The following HOXC9 variants were observed in gnomAD, a reference collection of about 807,000 sequenced individuals.
HOXC9 encodes homeobox protein Hox-C9.
Under a neutral mutation model 20.0 loss-of-function variants are expected in HOXC9, and 10 were observed. The observed-to-expected ratio is 0.50, with a 90% CI of 0.31 to 0.85. The LOEUF (loss-of-function observed/expected upper bound fraction) is 0.85. Ranked by LOEUF, HOXC9 falls within the 40% of genes least tolerant of loss-of-function variation. The probability of loss-of-function intolerance (pLI) is 0.05; values close to 1 mark genes in which losing one functional copy is unlikely to be tolerated. For missense variants in HOXC9, 394 were observed against 376.7 expected (o/e 1.05, Z -0.38); for synonymous variants, 200 against 163.7 (o/e 1.22, Z -1.69).
Position 54,000,687 on chromosome 12 carries a change from G to C in HOXC9, c.499G>C (p.Gly167Arg), listed in dbSNP as rs965071826. The change falls in exon 1 of 2, where the codon GGC (glycine) becomes CGC (arginine). Residue 167 changes from glycine (G) to arginine (R), a missense_variant. By Grantham distance (125) the Gly-to-Arg change is moderately radical (BLOSUM62 -2). Transcript: ENST00000303450. ...LPSPEADALA[G>R]SKHKEEKADL... is the part of the protein sequence containing the mutation. The stretch of plus-strand genomic sequence containing the variant: ...CTCGCCCGAGGCGGACGCGCTCGCC[G>C]GCAGCAAGCACAAAGAGGAGAAGGC... 1 of 1,568,246 alleles carries C rather than the reference G, an allele frequency of 6.4e-7. No homozygotes were observed. Among genetic ancestry groups the C allele is most frequent in the Non-Finnish European group, 8.6e-7 (1 of 1,163,672 alleles).
rs1939694208 is a variant in HOXC9 at position 54,000,194 on chromosome 12, G to C, written c.6G>C (p.Ser2=). 2 of 1,613,888 alleles carry C rather than the reference G, an allele frequency of 1.2e-6. No individual in the cohort carries two copies. Among genetic ancestry groups the C allele is most frequent in the African/African-American group, 2.7e-5 (2 of 75,032 alleles). ...GTATGTAAAACCCCGTTACGATGTC[G>C]GCGACGGGGCCCATCAGTAACTATT... M[S]ATGPISNYYV... Residue 2 remains serine (S), a synonymous_variant, in exon 1 of 2, where the codon TCG becomes TCC. Transcript: ENST00000303450.
At position 54,000,695 on chromosome 12, in the gene HOXC9, G is replaced by C. The variant is rs976480614; in HGVS notation, c.507G>C (p.Lys169Asn). ...SPEADALAGS[K>N]HKEEKADLDP... ...AGGCGGACGCGCTCGCCGGCAGCAA[G>C]CACAAAGAGGAGAAGGCCGACCTGG... The change falls in exon 1 of 2, where the codon AAG (lysine) becomes AAC (asparagine). Residue 169 changes from lysine to asparagine, a missense_variant. Lys to Asn is a moderately conservative substitution (Grantham distance 94). Transcript: ENST00000303450. 1 of 1,567,544 alleles carries C rather than the reference G, an allele frequency of 6.4e-7. No homozygotes were observed. The highest frequency in any genetic ancestry group is 8.6e-7 in the Non-Finnish European group (1 of 1,163,624).
Position 54,002,915 on chromosome 12 carries a change from G to A in HOXC9, c.*241G>A, listed in dbSNP as rs1379945263. The A allele has an allele frequency of 1.8e-5, 7 of 378,778 alleles. No individual in the cohort carries two copies. Among genetic ancestry groups the A allele is most frequent in the Non-Finnish European group, 3.3e-5 (7 of 213,840 alleles). 23.5% of individuals were successfully genotyped at this position (378,778 alleles called of 1,614,324 possible). ...ACCCAGCGAGGAGGAGGCGGGGAGA[G>A]AAACTGCGTTCTCTTTCCCCAGCGC... On this transcript the variant is annotated 3_prime_UTR_variant, in exon 2 of 2. Coordinates refer to ENST00000303450, the MANE Select transcript of HOXC9 (RefSeq NM_006897.3).
Position 54,002,573 on chromosome 12 carries a change from G to T in HOXC9, c.682G>T (p.Val228Phe), listed in dbSNP as rs753907350. 1.2e-6 allele frequency: 2 copies of T among 1,614,200 alleles called. No individual in the cohort carries two copies. Among genetic ancestry groups the T allele is most frequent in the East Asian group, 2.2e-5 (1 of 44,886 alleles). Residue 228 changes from valine (V) to phenylalanine (F), a missense_variant, in exon 2 of 2, where the codon GTT becomes TTT. Val to Phe is a conservative substitution (Grantham distance 50). Transcript: ENST00000303450. ...TRDRRYEVAR[V>F]LNLTERQVKI... ...GGACCGTCGGTATGAGGTGGCCCGG[G>T]TTCTCAATCTCACCGAGCGGCAGGT...
chr12:54,000,847 G>A, intron 1 of HOXC9, 121 bp downstream of exon 1: 3 of 912,124 alleles, frequency 3.3e-6, no homozygotes, highest in Non-Finnish European at 4.6e-6. Context: ...GCGAGGGGGC[G>A]AGGACTCAAT....
At chr12:54,001,305 G>A (rs1309900520) in intron 1 of HOXC9, among the ~76,000 whole-genome samples, 1 of 152,040 alleles carries the variant, frequency 6.6e-6, no homozygotes, top group Non-Finnish European at 1.5e-5. Flanking sequence ...AAAGAGAAGT[G>A]GGGATAAAAG....
In HOXC9 at chr12:54,002,580, A is replaced by G. The variant is rs779320438; in HGVS notation, c.689A>G (p.Asn230Ser). 11 of 1,614,038 alleles carry G rather than the reference A, an allele frequency of 6.8e-6. No individual in the cohort carries two copies. The highest frequency in any genetic ancestry group is 2.2e-5 in the East Asian group (1 of 44,890). Residue 230 changes from asparagine (N) to serine (S), a missense_variant, in exon 2 of 2, where the codon AAT (asparagine) becomes AGT (serine). Transcript: ENST00000303450. ...DRRYEVARVL[N>S]LTERQVKIWF... ...CGGTATGAGGTGGCCCGGGTTCTCAATCTCACCGAGCGGCAGGTCAAAATC... is the reference window on the plus strand; with the variant it reads ...CGGTATGAGGTGGCCCGGGTTCTCAGTCTCACCGAGCGGCAGGTCAAAATC...
At position 54,002,849 on chromosome 12, in the gene HOXC9, A is replaced by G. The variant is rs1565726269; in HGVS notation, c.*175A>G. On this transcript the variant is annotated 3_prime_UTR_variant, in exon 2 of 2. Transcript: ENST00000303450. ...GAAAAGAAAACTCTTGCGATTTGGGAGGGTTCAGTGTTGAGATATTGGTGT... is the reference window on the plus strand; with the variant it reads ...GAAAAGAAAACTCTTGCGATTTGGGGGGGTTCAGTGTTGAGATATTGGTGT... 3 of 714,712 alleles carry G rather than the reference A, an allele frequency of 4.2e-6. No homozygotes were observed. Among genetic ancestry groups the G allele is most frequent in the Non-Finnish European group, 6.6e-6 (3 of 455,220 alleles). The allele number at this position is 714,712 out of a possible 1,614,324, so 44.3% of individuals were successfully genotyped here.
At position 54,000,671 on chromosome 12, in the gene HOXC9, G is replaced by A. The variant is rs767141349; in HGVS notation, c.483G>A (p.Glu161=). 4 of 1,564,060 alleles carry A rather than the reference G, an allele frequency of 2.6e-6. No individual in the cohort carries two copies. Among genetic ancestry groups the A allele is most frequent in the Non-Finnish European group, 2.6e-6 (3 of 1,160,762 alleles). ...DRAPQTLPSP[E]ADALAGSKHK... ...CCCCGCAGACACTGCCCTCGCCCGA[G>A]GCGGACGCGCTCGCCGGCAGCAAGC... The change falls in exon 1 of 2, where the codon GAG becomes GAA. Residue 161 remains glutamate, a synonymous_variant. Transcript: ENST00000303450.
intron 1 of HOXC9, among the ~76,000 whole-genome samples, chr12:54,001,676 A>G (rs1208110202): frequency 2.0e-5 from 3 of 152,084 alleles, no homozygotes; most frequent in African/African-American, 4.8e-5. Context: ...ATAAGGGGCC[A>G]GGGCCTAATT....
chr12:54,002,659 CAAG>C lies in HOXC9; in HGVS notation c.769_771del (p.Lys257del), dbSNP rs754876281. On this transcript the variant is annotated inframe_deletion, in exon 2 of 2. Coordinates refer to ENST00000303450, the MANE Select transcript of HOXC9 (RefSeq NM_006897.3). ...AAAAGATGAATAAAGAGAAAACCGA[CAAG>C]GAGCAGTCCTAAACCCTACCCAGCC... 9.9e-6 allele frequency: 16 copies of C among 1,613,976 alleles called. No individual in the cohort carries two copies. The highest frequency in any genetic ancestry group is 1.4e-5 in the Non-Finnish European group (16 of 1,179,940).
chr12:54,000,337 T>C lies in HOXC9; in HGVS notation c.149T>C (p.Phe50Ser). The C allele has an allele frequency of 6.2e-7, 1 of 1,614,046 alleles. No individual in the cohort carries two copies. The highest frequency in any genetic ancestry group is 8.5e-7 in the Non-Finnish European group (1 of 1,180,020). ...GGTTTGGTGCCGGACTGTAGCGATT[T>C]TCCGTCCTGTAGCTTCGCGCCCAAG... ...PSGLVPDCSDFPSCSFAPKPA... is the reference protein window; with the variant it reads ...PSGLVPDCSDSPSCSFAPKPA... The change falls in exon 1 of 2, where the codon TTT (phenylalanine) becomes TCT (serine). Residue 50 changes from phenylalanine (F) to serine (S), a missense_variant. Coordinates refer to ENST00000303450, the MANE Select transcript of HOXC9 (RefSeq NM_006897.3).
At chr12:54,001,692 C>A (rs757786388) in intron 1 of HOXC9, among the ~76,000 whole-genome samples, 1 of 152,102 alleles carries the variant, frequency 6.6e-6, no homozygotes, top group Non-Finnish European at 1.5e-5. Flanking sequence ...TAATTATACT[C>A]CTCTGAAGGC....
At position 54,000,679 on chromosome 12, in the gene HOXC9, C is replaced by G. The variant is rs924288509; in HGVS notation, c.491C>G (p.Ala164Gly). ...ACACTGCCCTCGCCCGAGGCGGACG[C>G]GCTCGCCGGCAGCAAGCACAAAGAG... Reference protein sequence around the residue: ...PQTLPSPEADALAGSKHKEEK... With the variant: ...PQTLPSPEADGLAGSKHKEEK... The change falls in exon 1 of 2, where the codon GCG (alanine) becomes GGG (glycine). Residue 164 changes from alanine to glycine, a missense_variant. By Grantham distance (60) the Ala-to-Gly change is moderately conservative. Transcript: ENST00000303450. The G allele has an allele frequency of 6.4e-7, 1 of 1,562,250 alleles. No individual in the cohort carries two copies. The highest frequency in any genetic ancestry group is 1.9e-5 in the Admixed American group (1 of 51,938).
chr12:54,001,446 A>G (rs948797339), intron 1 of HOXC9, among the ~76,000 whole-genome samples: 13 of 150,700 alleles, frequency 8.6e-5, no homozygotes, highest in Admixed American at 7.2e-4. Context: ...ACACACACAC[A>G]CACACACACT....
intron 1 of HOXC9, among the ~76,000 whole-genome samples, chr12:54,001,737 G>T (rs1458442417): frequency 6.6e-6 from 1 of 152,160 alleles, no homozygotes; most frequent in African/African-American, 2.4e-5. Flanking sequence ...CCATAAACCT[G>T]AAATTGGAGG....
At chr12:54,000,979 C>G (rs1381164958) in intron 1 of HOXC9, among the ~76,000 whole-genome samples, 1 of 152,114 alleles carries the variant, frequency 6.6e-6, no homozygotes, top group African/African-American at 2.4e-5. Context: ...ATGAGAGACC[C>G]CTGCCCCCTC....
Position 54,000,262 on chromosome 12 carries a change from C to T in HOXC9, c.74C>T (p.Ala25Val). The T allele has an allele frequency of 1.2e-6, 2 of 1,614,188 alleles. No individual in the cohort carries two copies. Among genetic ancestry groups the T allele is most frequent in the Non-Finnish European group, 1.7e-6 (2 of 1,180,042 alleles). The change falls in exon 1 of 2, where the codon GCG becomes GTG. Residue 25 changes from alanine to valine, a missense_variant. Ala to Val is a moderately conservative substitution (Grantham distance 64). Coordinates refer to ENST00000303450, the MANE Select transcript of HOXC9 (RefSeq NM_006897.3). ...LISHDNEDLL[A>V]SRFPATGAHP... Reference sequence around the variant, plus strand: ...TCTCACGACAATGAAGACCTCCTAGCGTCCAGGTTTCCGGCCACCGGGGCT... The same window carrying T: ...TCTCACGACAATGAAGACCTCCTAGTGTCCAGGTTTCCGGCCACCGGGGCT...
In HOXC9 at chr12:54,002,923, G is replaced by A. The variant is rs574314893; in HGVS notation, c.*249G>A. On this transcript the variant is annotated 3_prime_UTR_variant, in exon 2 of 2. Transcript: ENST00000303450. ...AGGAGGAGGCGGGGAGAGAAACTGCGTTCTCTTTCCCCAGCGCAACCGAAA... is the reference window on the plus strand; with the variant it reads ...AGGAGGAGGCGGGGAGAGAAACTGCATTCTCTTTCCCCAGCGCAACCGAAA... 18 of 363,112 alleles carry A rather than the reference G, an allele frequency of 5.0e-5. 1 individual carries two copies. The highest frequency in any genetic ancestry group is 3.3e-4 in the African/African-American group (16 of 48,346). The allele number at this position is 363,112 out of a possible 1,614,324, so 22.5% of individuals were successfully genotyped here.
Sources: allele counts gnomAD v4.1 joint callset (sites outside exome capture counted in the v4.1 genomes callset), GRCh38; gene constraint gnomAD v4.1.1; transcripts MANE v1.5; gene names NCBI Gene and HGNC (gene_info 2026-07-23, HGNC 2026-07-21).